The following NEO1 variants were observed in gnomAD, a reference collection of about 807,000 sequenced individuals.
The protein encoded by NEO1 is neogenin.
NEO1 carries 63 observed loss-of-function variants against 159.7 expected under a neutral mutation model. The ratio of observed to expected loss-of-function variants is 0.39; its 90% CI spans 0.32 to 0.49. The LOEUF (loss-of-function observed/expected upper bound fraction) is 0.49, where lower values mean the gene tolerates loss of function less well. Ranked by LOEUF, NEO1 falls within the 20% of genes least tolerant of loss-of-function variation. NEO1 has a pLI of 0.85. For synonymous variants in NEO1, 633 were observed against 662.0 expected, an observed-to-expected ratio of 0.96 and a Z score of 0.67; for missense variants, 1,615 against 1,831.0, an observed-to-expected ratio of 0.88 and a Z score of 2.15.
intron 7 of NEO1, among the ~76,000 whole-genome samples, chr15:73,202,291 CAT>C (rs2036943962): frequency 6.6e-6 from 1 of 152,074 alleles, no homozygotes; most frequent in Non-Finnish European, 1.5e-5. Flanking sequence ...AACTTTTAGT[CAT>C]GTGGCTTTTT....
intron 1 of NEO1, among the ~76,000 whole-genome samples, chr15:73,092,727 TA>T (rs1462275831): frequency 2.6e-5 from 4 of 152,208 alleles, no homozygotes; most frequent in Non-Finnish European, 4.4e-5. Context: ...TATTGCTTTT[TA>T]ATAAGCTTTA....
At chr15:73,053,611 T>G (rs1406329670) in intron 1 of NEO1, among the ~76,000 whole-genome samples, 1 of 152,230 alleles carries the variant, frequency 6.6e-6, no homozygotes, top group African/African-American at 2.4e-5. Flanking sequence ...TTTCAGTTCT[T>G]TTTTGGAATA....
chr15:73,066,320 CTTTTTTTTT>C lies in NEO1; in HGVS notation c.130+13529_130+13537del, dbSNP rs35179965. Among the ~76,000 whole-genome samples the C allele has an allele frequency of 2.7e-5, 3 of 110,230 alleles. No homozygotes were observed. In the East Asian group the frequency reaches 7.8e-4, roughly 29 times the overall value. The allele number at this position is 110,230 out of a possible 152,430, so 72.3% of individuals were successfully genotyped here. ...AGGCTTGAGCCACCGCACCTGGCCT[CTTTTTTTTT>C]TTTTTTTTTTTTTAAATAGTTTGCA... On this transcript the variant is annotated intron_variant, in intron 1 of 28. Coordinates refer to ENST00000261908, the MANE Select transcript of NEO1 (RefSeq NM_002499.4).
chr15:73,112,849 A>G (rs1442323242), intron 1 of NEO1, among the ~76,000 whole-genome samples: 1 of 152,210 alleles, frequency 6.6e-6, no homozygotes, highest in East Asian at 1.9e-4. Context: ...TTCGAACATT[A>G]TCTGGTACAT....
intron 1 of NEO1, among the ~76,000 whole-genome samples, chr15:73,081,424 G>A (rs1447877440): frequency 6.6e-6 from 1 of 152,128 alleles, no homozygotes; most frequent in Non-Finnish European, 1.5e-5. Context: ...CTACCCTGTG[G>A]TTAACTGGCT....
intron 1 of NEO1, among the ~76,000 whole-genome samples, chr15:73,109,254 T>G (rs1263489243): frequency 6.6e-6 from 1 of 152,164 alleles, no homozygotes; most frequent in East Asian, 1.9e-4. Flanking sequence ...AGTTAACTAT[T>G]TATTGAGGAC....
Position 73,260,430 on chromosome 15 carries a change from A to G in NEO1, c.2363A>G (p.Asp788Gly). 1 of 1,613,830 alleles carries G rather than the reference A, an allele frequency of 6.2e-7. No individual in the cohort carries two copies. The highest frequency in any genetic ancestry group is 8.5e-7 in the Non-Finnish European group (1 of 1,179,824). Residue 788 changes from aspartate to glycine, a missense_variant, in exon 15 of 29, where the codon GAC becomes GGC. This residue lies in a region of NEO1 where 1,018 missense variants were observed against 1,115.4 expected (regional missense o/e 0.91). Coordinates refer to ENST00000261908, the MANE Select transcript of NEO1 (RefSeq NM_002499.4). ...CCTCATGCCCAGACCATCAAAGTGG[A>G]CTATAAACAGCGCTATTACACCATT... ...GSPHAQTIKV[D>G]YKQRYYTIEN...
chr15:73,196,850 C>G (rs1230502828), intron 7 of NEO1, among the ~76,000 whole-genome samples: 2 of 152,146 alleles, frequency 1.3e-5, no homozygotes, highest in Admixed American at 1.3e-4. Context: ...TCTCTTACTT[C>G]GGCAGATGAT....
chr15:73,301,551 G>A (rs2042615252), intron 28 of NEO1, 94 bp downstream of exon 28: 3 of 1,530,100 alleles, frequency 2.0e-6, no homozygotes, highest in Non-Finnish European at 2.7e-6. Flanking sequence ...GTGCATACCA[G>A]GCCCGCCACC....
intron 1 of NEO1, among the ~76,000 whole-genome samples, chr15:73,058,257 T>G (rs1010224313): frequency 1.3e-5 from 2 of 152,198 alleles, no homozygotes; most frequent in Admixed American, 6.5e-5. Flanking sequence ...CTCTTTCACA[T>G]GTATTTAATC....
chr15:73,257,230 A>G (rs529858180), intron 13 of NEO1, among the ~76,000 whole-genome samples: 1 of 145,170 alleles, frequency 6.9e-6, no homozygotes, highest in Admixed American at 7.1e-5. Context: ...ATTTAGTTGT[A>G]TTTATTATAT....
At chr15:73,179,670 C>T (rs1345819366) in intron 7 of NEO1, among the ~76,000 whole-genome samples, 2 of 152,126 alleles carry the variant, frequency 1.3e-5, no homozygotes, top group East Asian at 1.9e-4. Flanking sequence ...TCTGTTTTTG[C>T]AGCATAGGCA....
At chr15:73,299,597 G>C (rs1486270356) in intron 27 of NEO1, among the ~76,000 whole-genome samples, 1 of 152,168 alleles carries the variant, frequency 6.6e-6, no homozygotes, top group Non-Finnish European at 1.5e-5. Flanking sequence ...ACATTAGCCA[G>C]GATGGTCTTG....
At chr15:73,235,132 G>A (rs779705102) in intron 7 of NEO1, among the ~76,000 whole-genome samples, 5 of 152,044 alleles carry the variant, frequency 3.3e-5, no homozygotes, top group Admixed American at 6.5e-5. Context: ...TTTATTTCAC[G>A]TGGCGTATTT....
chr15:73,271,717 G>T (rs972480329), intron 18 of NEO1, among the ~76,000 whole-genome samples: 9 of 152,028 alleles, frequency 5.9e-5, no homozygotes, highest in Admixed American at 6.6e-5. Context: ...GACCAGCCTG[G>T]CCAACATGGC....
intron 16 of NEO1, 76 bp downstream of exon 16, chr15:73,266,487 C>A: frequency 9.5e-7 from 1 of 1,053,126 alleles, no homozygotes; most frequent in Non-Finnish European, 1.3e-6. Context: ...GAGGCCTATC[C>A]CATAGGTGTT....
At chr15:73,194,757 T>C (rs1029908239) in intron 7 of NEO1, among the ~76,000 whole-genome samples, 1 of 152,312 alleles carries the variant, frequency 6.6e-6, no homozygotes, top group Non-Finnish European at 1.5e-5. Flanking sequence ...GTTGGATAGA[T>C]GTTTCTACAA....
chr15:73,087,159 G>T (rs1046289106), intron 1 of NEO1, among the ~76,000 whole-genome samples: 1 of 152,016 alleles, frequency 6.6e-6, no homozygotes, highest in Non-Finnish European at 1.5e-5. Flanking sequence ...TCTCTTTTTT[G>T]AGTTAAACTC....
At position 73,254,947 on chromosome 15, in the gene NEO1, G is replaced by C. The variant is rs189141479; in HGVS notation, c.2092+118G>C. ...ATACAAACAAATTTAAAATGGTTCA[G>C]AAAATTTTTAATGGTTCAATCCACT... On this transcript the variant is annotated intron_variant, in intron 13 of 28. Coordinates refer to ENST00000261908, the MANE Select transcript of NEO1 (RefSeq NM_002499.4). 4.3e-4 allele frequency: 502 copies of C among 1,156,122 alleles called. 1 individual carries two copies. In the African/African-American group the frequency reaches 7.2e-3, roughly 17 times the overall value. 71.6% of individuals were successfully genotyped at this position (1,156,122 alleles called of 1,614,324 possible).
Sources: allele counts gnomAD v4.1 joint callset (sites outside exome capture counted in the v4.1 genomes callset), GRCh38; gene constraint gnomAD v4.1.1; regional missense constraint gnomAD v4.1.1; transcripts MANE v1.5; gene names NCBI Gene and HGNC (gene_info 2026-07-23, HGNC 2026-07-21).